The following DPH6 variants were observed in gnomAD, a reference collection of about 807,000 sequenced individuals.
DPH6 encodes diphthine--ammonia ligase.
DPH6 carries 33 observed loss-of-function variants against 38.2 expected under a neutral mutation model. The ratio of observed to expected loss-of-function variants is 0.86; its 90% CI spans 0.65 to 1.15. The LOEUF is 1.15. Among genes scored for constraint, DPH6 ranks in the 50% most tolerant of loss-of-function variants. The probability of loss-of-function intolerance (pLI) is 0.00; values close to 1 mark genes in which losing one functional copy is unlikely to be tolerated. For synonymous variants in DPH6, 108 were observed against 103.0 expected, an observed-to-expected ratio of 1.05 and a Z score of -0.30; for missense variants, 325 against 320.0, an observed-to-expected ratio of 1.02 and a Z score of -0.12.
the DPH6 span, among the ~76,000 whole-genome samples, chr15:35,188,632 C>T: frequency 6.6e-6 from 1 of 152,178 alleles, no homozygotes; most frequent in African/African-American, 2.4e-5. Context: ...TTCTGTCCCT[C>T]AGTCGAATTC....
intron 3 of DPH6, among the ~76,000 whole-genome samples, chr15:35,312,010 G>GAAAAAAA (rs10573455): frequency 1.6e-4 from 16 of 102,138 alleles, no homozygotes; most frequent in African/African-American, 2.5e-4. Flanking sequence ...TTAAGAAAAT[G>GAAAAAAA]AAAAAAAAAA....
chr15:35,251,074 T>C (rs2051670377), intron 3 of DPH6, among the ~76,000 whole-genome samples: 1 of 152,214 alleles, frequency 6.6e-6, no homozygotes, highest in Admixed American at 6.5e-5. Flanking sequence ...TCAGTTTCTT[T>C]TTGAAAAATG....
At chr15:35,159,044 T>C in the DPH6 span, among the ~76,000 whole-genome samples, 2 of 152,140 alleles carry the variant, frequency 1.3e-5, no homozygotes, top group African/African-American at 4.8e-5. Flanking sequence ...ATATAGTCGA[T>C]GTATACTTCT....
intron 3 of DPH6, among the ~76,000 whole-genome samples, chr15:35,331,689 G>T (rs1025745061): frequency 2.6e-5 from 4 of 152,200 alleles, no homozygotes; most frequent in Non-Finnish European, 4.4e-5. Flanking sequence ...GTTGTTTAAT[G>T]ATCTGGGCAG....
chr15:35,277,069 G>C (rs953158029), intron 3 of DPH6, among the ~76,000 whole-genome samples: 1 of 152,176 alleles, frequency 6.6e-6, no homozygotes, highest in African/African-American at 2.4e-5. Context: ...AGCATGGAAC[G>C]TGTTTCTATT....
downstream of DPH6, chr15:35,366,091 T>C (rs1047859245): frequency 1.1e-6 from 1 of 911,700 alleles, no homozygotes; most frequent in Non-Finnish European, 1.3e-6. Context: ...AAATATTTTG[T>C]AGGTTGTATA....
chr15:35,188,213 A>C, the DPH6 span, among the ~76,000 whole-genome samples: 1 of 152,290 alleles, frequency 6.6e-6, no homozygotes, highest in Non-Finnish European at 1.5e-5. Context: ...CAGCTTCCTC[A>C]TAAGATCTCG....
At chr15:35,521,487 A>AAT in intron 3 of DPH6, 17 of 1,208,036 alleles carry the variant, frequency 1.4e-5, no homozygotes, top group Non-Finnish European at 1.7e-5. Flanking sequence ...ATTAATGCTT[A>AAT]CAACAGAATC....
At chr15:35,315,775 T>C (rs1290880506) in intron 3 of DPH6, among the ~76,000 whole-genome samples, 1 of 152,176 alleles carries the variant, frequency 6.6e-6, no homozygotes, top group Non-Finnish European at 1.5e-5. Context: ...ATAGTCAAAA[T>C]ATGGAATCAA....
chr15:35,520,301 TA>T, intron 3 of DPH6: 6 of 974,950 alleles, frequency 6.2e-6, no homozygotes, highest in Non-Finnish European at 7.3e-6. Flanking sequence ...TTATTACACA[TA>T]AAAACTCAAA....
At chr15:35,394,469 C>T (rs2053101358) in intron 6 of DPH6, among the ~76,000 whole-genome samples, 1 of 152,080 alleles carries the variant, frequency 6.6e-6, no homozygotes, top group Admixed American at 6.6e-5. Flanking sequence ...TAAAATAATG[C>T]ATAAAAAGCA....
At chr15:35,482,486 G>C (rs1014973873) in intron 3 of DPH6, among the ~76,000 whole-genome samples, 1 of 152,138 alleles carries the variant, frequency 6.6e-6, no homozygotes, top group South Asian at 2.1e-4. Context: ...AAAAATAGTA[G>C]TACTGAAGTA....
the DPH6 span, among the ~76,000 whole-genome samples, chr15:35,176,069 G>A: frequency 6.6e-6 from 1 of 152,178 alleles, no homozygotes; most frequent in Non-Finnish European, 1.5e-5. Flanking sequence ...AACAATTTAA[G>A]GTTAAGATGG....
chr15:35,217,014 A>T (rs2051414166), downstream of DPH6, among the ~76,000 whole-genome samples: 1 of 152,246 alleles, frequency 6.6e-6, no homozygotes, highest in African/African-American at 2.4e-5. Context: ...CTGGTGTGCT[A>T]AACAAAAGTA....
intron 3 of DPH6, among the ~76,000 whole-genome samples, chr15:35,338,122 C>T (rs572325694): frequency 6.6e-6 from 1 of 152,242 alleles, no homozygotes; most frequent in East Asian, 1.9e-4. Context: ...TAGGCATGGG[C>T]AAGGACTTCA....
intron 3 of DPH6, among the ~76,000 whole-genome samples, chr15:35,478,918 G>C (rs1035838665): frequency 2.0e-5 from 3 of 151,962 alleles, no homozygotes; most frequent in Admixed American, 6.6e-5. Context: ...TTTAACTACA[G>C]AAGAAGGCTA....
At chr15:35,501,887 A>G (rs1009776546) in intron 3 of DPH6, among the ~76,000 whole-genome samples, 2 of 152,092 alleles carry the variant, frequency 1.3e-5, no homozygotes, top group African/African-American at 2.4e-5. Context: ...CCTGAACTTA[A>G]CTCATCCAAT....
intron 7 of DPH6, among the ~76,000 whole-genome samples, chr15:35,376,459 C>T (rs1401436820): frequency 1.3e-5 from 2 of 152,082 alleles, no homozygotes; most frequent in Non-Finnish European, 2.9e-5. Flanking sequence ...TGAAAAATTC[C>T]TATCACCTAG....
chr15:35,358,769 C>T (rs949260604), intron 3 of DPH6, among the ~76,000 whole-genome samples: 1 of 152,162 alleles, frequency 6.6e-6, no homozygotes, highest in Non-Finnish European at 1.5e-5. Flanking sequence ...GATACCAACA[C>T]CTGTTCTGGT....
Sources: allele counts gnomAD v4.1 joint callset (sites outside exome capture counted in the v4.1 genomes callset), GRCh38; gene constraint gnomAD v4.1.1; transcripts MANE v1.5; gene names NCBI Gene and HGNC (gene_info 2026-07-23, HGNC 2026-07-21).